ZNG1A: variants seen among roughly 807,000 people sequenced by gnomAD.
ZNG1A encodes Zn regulated GTPase metalloprotein activator 1A, also known as zinc-regulated GTPase metalloprotein activator 1A.
chr9:177,965 G>C, the ZNG1A span: 2 of 623,322 alleles, frequency 3.2e-6, no homozygotes, highest in East Asian at 5.8e-5. Flanking sequence ...AGTGGCCCAA[G>C]TCTGTACCTG....
the ZNG1A span, among the ~76,000 whole-genome samples, chr9:174,466 T>C: frequency 2.6e-5 from 4 of 151,904 alleles, no homozygotes; most frequent in South Asian, 2.1e-4. Flanking sequence ...AAGAAAAGTA[T>C]TGAGAATGCT....
At chr9:135,736 GT>G in the ZNG1A span, among the ~76,000 whole-genome samples, 1 of 116,810 alleles carries the variant, frequency 8.6e-6, no homozygotes, top group Non-Finnish European at 1.6e-5. Context: ...ACAGTGAGGG[GT>G]AAATTAGTAA....
the ZNG1A span, chr9:166,817 T>C: frequency 6.6e-6 from 1 of 152,082 alleles, no homozygotes; most frequent in Non-Finnish European, 1.5e-5. Flanking sequence ...AGGCTTCAGA[T>C]GATCACAGTA....
At chr9:177,835 C>A in the ZNG1A span, 4 of 1,034,210 alleles carry the variant, frequency 3.9e-6, no homozygotes, top group African/African-American at 3.3e-5. Flanking sequence ...GGGGAAACGC[C>A]AAAAATAAAT....
chr9:157,329 C>T, the ZNG1A span, among the ~76,000 whole-genome samples: 3 of 143,338 alleles, frequency 2.1e-5, no homozygotes, highest in Non-Finnish European at 3.0e-5. Flanking sequence ...ACATCCCTAA[C>T]GTCATCAACA....
the ZNG1A span, among the ~76,000 whole-genome samples, chr9:143,135 T>C: frequency 2.0e-5 from 3 of 146,826 alleles, no homozygotes; most frequent in African/African-American, 7.7e-5. Flanking sequence ...ACTGGTACCA[T>C]TCCTTCTGAA....
the ZNG1A span, among the ~76,000 whole-genome samples, chr9:169,548 C>T: frequency 4.2e-5 from 6 of 143,418 alleles, no homozygotes; most frequent in East Asian, 1.2e-3. Flanking sequence ...GGGTAAAATG[C>T]TATCAAATAG....
the ZNG1A span, chr9:154,373 G>A: frequency 1.4e-5 from 6 of 428,346 alleles, no homozygotes; most frequent in East Asian, 1.1e-4. Flanking sequence ...CTGACAGGAT[G>A]CATCCATGGG....
At chr9:171,726 A>G in the ZNG1A span, 13,640 of 272,252 alleles carry the variant, frequency 0.05, 922 homozygotes, top group African/African-American at 0.18. Flanking sequence ...ATCCTCAGAG[A>G]TTCCGGAACT....
the ZNG1A span, chr9:161,539 C>G: frequency 7.9e-7 from 1 of 1,271,348 alleles, no homozygotes. Flanking sequence ...AATTTTTAAA[C>G]ACTGAATTTA....
At chr9:171,904 A>C in the ZNG1A span, 1 of 818,144 alleles carries the variant, frequency 1.2e-6, no homozygotes, top group Non-Finnish European at 1.9e-6. Flanking sequence ...TACTCTGTTC[A>C]TTCATTCAAC....
At chr9:154,837 T>C in the ZNG1A span, 1 of 1,404,588 alleles carries the variant, frequency 7.1e-7, no homozygotes, top group African/African-American at 1.4e-5. Flanking sequence ...CTTTAAATAA[T>C]ATACACGCAT....
At chr9:160,885 C>T in the ZNG1A span, among the ~76,000 whole-genome samples, 1 of 150,974 alleles carries the variant, frequency 6.6e-6, no homozygotes, top group South Asian at 2.1e-4. Context: ...CCTCCATAAG[C>T]ATTTTGCAAG....
the ZNG1A span, among the ~76,000 whole-genome samples, chr9:128,391 T>C: frequency 6.6e-6 from 1 of 151,852 alleles, no homozygotes; most frequent in Non-Finnish European, 1.5e-5. Flanking sequence ...TCTTTTTTCT[T>C]TGTCTTTATT....
the ZNG1A span, among the ~76,000 whole-genome samples, chr9:168,372 C>A: frequency 6.6e-6 from 1 of 152,040 alleles, no homozygotes; most frequent in African/African-American, 2.4e-5. Context: ...CCTACCTCAG[C>A]CTCCCAAGTA....
chr9:121,868 A>G, the ZNG1A span: 2 of 1,554,972 alleles, frequency 1.3e-6, no homozygotes, highest in East Asian at 2.2e-5. Flanking sequence ...TTAAAAGAGG[A>G]CCTGAATGGT....
the ZNG1A span, among the ~76,000 whole-genome samples, chr9:155,389 C>G: frequency 6.6e-6 from 1 of 151,428 alleles, no homozygotes; most frequent in Non-Finnish European, 1.5e-5. Flanking sequence ...GAGTTCAAGT[C>G]CAACCTGGGC....
At chr9:128,577 T>A in the ZNG1A span, among the ~76,000 whole-genome samples, 1 of 146,560 alleles carries the variant, frequency 6.8e-6, no homozygotes, top group African/African-American at 2.6e-5. Flanking sequence ...TATTTCTCCC[T>A]TTACTTCTTG....
the ZNG1A span, among the ~76,000 whole-genome samples, chr9:125,903 A>C: frequency 1.9e-4 from 10 of 52,644 alleles, 3 homozygotes; most frequent in East Asian, 1.3e-3. Flanking sequence ...GGTCCATGTG[A>C]CTATTTTTAT....
Sources: gnomAD v4.1 joint callset for allele counts (sites outside exome capture counted in the v4.1 genomes callset) on GRCh38, gnomAD v4.1.1 for gene constraint, MANE v1.5 for transcripts, NCBI Gene and HGNC (gene_info 2026-07-23, HGNC 2026-07-21) for gene names.